NWD2: variants seen among roughly 807,000 people sequenced by gnomAD.
NWD2 encodes NACHT and WD repeat domain containing 2.
NWD2 carries 37 observed loss-of-function variants against 132.7 expected under a neutral mutation model. The observed-to-expected ratio is 0.28, with a 90% CI of 0.21 to 0.37. The LOEUF (loss-of-function observed/expected upper bound fraction) is 0.37, where lower values mean the gene tolerates loss of function less well. NWD2 is among the 10% of genes least tolerant of loss of function. The probability of loss-of-function intolerance (pLI) is 1.00; values close to 1 mark genes in which losing one functional copy is unlikely to be tolerated. For missense variants in NWD2, 1,592 were observed against 2,122.4 expected (o/e 0.75, Z 4.91); for synonymous variants, 705 against 803.0 (o/e 0.88, Z 2.06).
At chr4:37,404,300 A>G (rs970448003) in intron 3 of NWD2, among the ~76,000 whole-genome samples, 6 of 152,190 alleles carry the variant, frequency 3.9e-5, no homozygotes, top group Non-Finnish European at 7.3e-5. Context: ...CTCTGTTGTT[A>G]TTATTGCCGG....
chr4:37,393,983 C>G (rs1265030649), intron 3 of NWD2, among the ~76,000 whole-genome samples: 1 of 152,238 alleles, frequency 6.6e-6, no homozygotes, highest in Non-Finnish European at 1.5e-5. Context: ...TTCTTTCAGA[C>G]AGCCTCTAAG....
At chr4:37,393,320 T>TCTCTG (rs1356113970) in intron 3 of NWD2, among the ~76,000 whole-genome samples, 1 of 152,234 alleles carries the variant, frequency 6.6e-6, no homozygotes, top group Non-Finnish European at 1.5e-5. Flanking sequence ...TCAGAAATTT[T>TCTCTG]ACAACAGAAA....
chr4:37,282,251 AT>A (rs1577654594), intron 1 of NWD2, among the ~76,000 whole-genome samples: 1 of 152,164 alleles, frequency 6.6e-6, no homozygotes, highest in African/African-American at 2.4e-5. Context: ...GCATTCCACT[AT>A]TTATATCGAA....
At chr4:37,405,626 G>T (rs746959120) in intron 3 of NWD2, among the ~76,000 whole-genome samples, 11 of 152,184 alleles carry the variant, frequency 7.2e-5, no homozygotes, top group Non-Finnish European at 1.5e-4. Context: ...ACATGAGTTT[G>T]CTTGAACAGA....
At chr4:37,301,431 C>T (rs6820282) in intron 1 of NWD2, among the ~76,000 whole-genome samples, 3,468 of 151,934 alleles carry the variant, frequency 0.023, 128 homozygotes, top group African/African-American at 0.079. Flanking sequence ...TCTCTTTTGT[C>T]CATTTTTTTT....
rs1002716964 is a variant in NWD2 at position 37,312,192 on chromosome 4, G to A, written c.152-13744G>A. On this transcript the variant is annotated intron_variant, in intron 1 of 6. Coordinates refer to ENST00000309447, the MANE Select transcript of NWD2 (RefSeq NM_001144990.2). ...AAGTCATTGGTAGCTTGATGGGGAT[G>A]GCATTGAATTTATAAATTACCTTGG... Among the ~76,000 whole-genome samples the A allele has an allele frequency of 5.7e-4, 86 of 151,598 alleles. 1 individual carries two copies. The highest frequency in any genetic ancestry group is 1.9e-3 in the African/African-American group (78 of 40,944).
intron 3 of NWD2, among the ~76,000 whole-genome samples, chr4:37,372,333 G>A (rs1428720814): frequency 6.6e-6 from 1 of 152,120 alleles, no homozygotes; most frequent in Non-Finnish European, 1.5e-5. Context: ...AGTTACTACT[G>A]TTATAACCAT....
intron 1 of NWD2, among the ~76,000 whole-genome samples, chr4:37,288,335 T>G (rs1718280681): frequency 6.6e-6 from 1 of 152,216 alleles, no homozygotes; most frequent in Non-Finnish European, 1.5e-5. Flanking sequence ...ATATTTTATG[T>G]GGATCCTTTA....
At chr4:37,326,552 C>T (rs186040440) in intron 2 of NWD2, among the ~76,000 whole-genome samples, 2 of 152,284 alleles carry the variant, frequency 1.3e-5, no homozygotes, top group Admixed American at 1.3e-4. Flanking sequence ...AGCGATGGCA[C>T]ACATCATTGC....
chr4:37,403,848 T>A (rs935317999), intron 3 of NWD2, among the ~76,000 whole-genome samples: 2 of 152,198 alleles, frequency 1.3e-5, no homozygotes, highest in African/African-American at 4.8e-5. Context: ...TTAGGTCCAA[T>A]TCAGGAATGT....
At chr4:37,377,497 C>G (rs950896510) in intron 3 of NWD2, among the ~76,000 whole-genome samples, 3 of 152,046 alleles carry the variant, frequency 2.0e-5, no homozygotes, top group Non-Finnish European at 4.4e-5. Flanking sequence ...TTTGGGAGGC[C>G]AAGGTTGGTG....
chr4:37,417,271 G>A (rs1049610472), intron 3 of NWD2, among the ~76,000 whole-genome samples: 3 of 152,088 alleles, frequency 2.0e-5, no homozygotes, highest in Non-Finnish European at 4.4e-5. Context: ...TGGTGAAAAT[G>A]TGGCACATTC....
intron 1 of NWD2, among the ~76,000 whole-genome samples, chr4:37,257,133 A>G (rs1717537181): frequency 6.6e-6 from 1 of 152,172 alleles, no homozygotes; most frequent in Non-Finnish European, 1.5e-5. Context: ...CCACCTGGCC[A>G]ACAAGGAGAA....
chr4:37,301,617 T>C (rs891118583), intron 1 of NWD2, among the ~76,000 whole-genome samples: 1 of 152,102 alleles, frequency 6.6e-6, no homozygotes, highest in African/African-American at 2.4e-5. Flanking sequence ...TTAATTTTAA[T>C]GTTTTTTTAT....
intron 3 of NWD2, among the ~76,000 whole-genome samples, chr4:37,383,556 T>TC (rs1720501893): frequency 6.6e-6 from 1 of 152,114 alleles, no homozygotes; most frequent in Non-Finnish European, 1.5e-5. Flanking sequence ...TGAGTTCTGA[T>TC]CTCGTAGGTT....
At chr4:37,402,596 A>G (rs1003864968) in intron 3 of NWD2, among the ~76,000 whole-genome samples, 2 of 152,330 alleles carry the variant, frequency 1.3e-5, no homozygotes, top group Admixed American at 6.5e-5. Flanking sequence ...TAGAATTTTT[A>G]TCTATTGGTG....
intron 3 of NWD2, among the ~76,000 whole-genome samples, chr4:37,369,894 T>C (rs903183129): frequency 6.6e-6 from 1 of 152,174 alleles, no homozygotes; most frequent in Non-Finnish European, 1.5e-5. Flanking sequence ...TGCACAGATA[T>C]GGGATGGCTT....
intron 1 of NWD2, among the ~76,000 whole-genome samples, chr4:37,281,185 T>C (rs373325738): frequency 6.6e-6 from 1 of 152,116 alleles, no homozygotes; most frequent in East Asian, 1.9e-4. Flanking sequence ...AAAGCATACA[T>C]GTCAATTGCA....
chr4:37,316,794 GTTTA>G (rs1274109540), intron 1 of NWD2, among the ~76,000 whole-genome samples: 10 of 151,852 alleles, frequency 6.6e-5, no homozygotes, highest in Non-Finnish European at 1.2e-4. Flanking sequence ...ACATTTTTCT[GTTTA>G]TTTATCCCTC....
Sources: allele counts gnomAD v4.1 joint callset (sites outside exome capture counted in the v4.1 genomes callset), GRCh38; gene constraint gnomAD v4.1.1; transcripts MANE v1.5; gene names NCBI Gene and HGNC (gene_info 2026-07-23, HGNC 2026-07-21).